Variants in CTNNA3 observed in about 807,000 individuals in gnomAD.
CTNNA3 encodes the protein catenin alpha-3.
A neutral mutation model predicts 95.7 loss-of-function variants in CTNNA3; 76 were observed. That is an observed-to-expected ratio of 0.79 (90% CI 0.66 to 0.96). The LOEUF (loss-of-function observed/expected upper bound fraction) is 0.96. Ranked by LOEUF, CTNNA3 falls within the 40% of genes least tolerant of loss-of-function variation. The pLI is 0.00. For missense variants in CTNNA3, 1,191 were observed against 1,089.8 expected, an observed-to-expected ratio of 1.09 and a Z score of -1.31; for synonymous variants, 431 against 374.4, an observed-to-expected ratio of 1.15 and a Z score of -1.74.
intron 17 of CTNNA3, among the ~76,000 whole-genome samples, chr10:65,922,471 AT>A (rs1419395056): frequency 6.6e-6 from 1 of 152,090 alleles, no homozygotes; most frequent in Non-Finnish European, 1.5e-5. Context: ...GATTAAGACT[AT>A]TTCATAACAA....
chr10:66,499,855 T>G (rs1230141600), intron 11 of CTNNA3, among the ~76,000 whole-genome samples: 1 of 148,192 alleles, frequency 6.7e-6, no homozygotes, highest in Non-Finnish European at 1.5e-5. Flanking sequence ...CAGGCTGGAG[T>G]GCAGTGGCAC....
In CTNNA3 at chr10:66,867,895, CAA is replaced by C. The variant is rs74889073; in HGVS notation, c.1048-92373_1048-92372del. On this transcript the variant is annotated intron_variant, in intron 7 of 17. Transcript: ENST00000433211. ...ATTACAGATTAAGCCAAGGCACTAC[CAA>C]AAAAAAAAAAAATTAACTTAGTAGG... Among the ~76,000 whole-genome samples, 276 of 132,192 alleles carry C rather than the reference CAA, an allele frequency of 2.1e-3. 1 individual carries two copies. Among genetic ancestry groups the C allele is most frequent in the South Asian group, 7.2e-3 (29 of 4,022 alleles). 86.7% of individuals were successfully genotyped at this position (132,192 alleles called of 152,430 possible). A position where few individuals can be genotyped will look rare whatever the true frequency, so the allele number is the denominator to read the frequency against.
intron 2 of CTNNA3, among the ~76,000 whole-genome samples, chr10:67,613,142 G>A (rs1486522040): frequency 6.6e-6 from 1 of 152,096 alleles, no homozygotes; most frequent in Non-Finnish European, 1.5e-5. Flanking sequence ...CTACTTGTTA[G>A]GCTCAGAACA....
intron 5 of CTNNA3, among the ~76,000 whole-genome samples, chr10:67,483,671 A>G (rs1371202895): frequency 2.0e-5 from 3 of 151,660 alleles, no homozygotes; most frequent in Non-Finnish European, 2.9e-5. Context: ...TGACGAGTTA[A>G]TGGGTGCAGC....
intron 5 of CTNNA3, among the ~76,000 whole-genome samples, chr10:67,416,381 G>C (rs1352820085): frequency 6.6e-6 from 1 of 151,892 alleles, no homozygotes; most frequent in Admixed American, 6.6e-5. Context: ...GGCCGAGGAG[G>C]GTGGTTCACG....
chr10:66,161,459 C>T (rs2084840351), intron 13 of CTNNA3, among the ~76,000 whole-genome samples: 1 of 152,104 alleles, frequency 6.6e-6, no homozygotes, highest in African/African-American at 2.4e-5. Context: ...ATGTATGATG[C>T]TTAGTTTCGC....
chr10:66,326,355 T>C (rs145396380), intron 12 of CTNNA3, among the ~76,000 whole-genome samples: 23 of 152,206 alleles, frequency 1.5e-4, no homozygotes, highest in African/African-American at 5.1e-4. Flanking sequence ...CAGATGATGC[T>C]ACTCGACATT....
intron 12 of CTNNA3, among the ~76,000 whole-genome samples, chr10:66,361,189 G>A (rs958434132): frequency 8.8e-5 from 13 of 148,018 alleles, no homozygotes; most frequent in Middle Eastern, 3.5e-3. Context: ...GGCTGGTCTC[G>A]AACCCCTGGG....
chr10:66,827,504 T>C (rs147480299), intron 7 of CTNNA3, among the ~76,000 whole-genome samples: 3 of 152,310 alleles, frequency 2.0e-5, no homozygotes, highest in African/African-American at 7.2e-5. Flanking sequence ...TGTCCTGCTA[T>C]GCAATATAGT....
chr10:66,909,861 T>C (rs1207044053), intron 7 of CTNNA3, among the ~76,000 whole-genome samples: 1 of 152,166 alleles, frequency 6.6e-6, no homozygotes, highest in African/African-American at 2.4e-5. Flanking sequence ...TTCTGCATCA[T>C]CTTAATGTTT....
intron 5 of CTNNA3, among the ~76,000 whole-genome samples, chr10:67,237,126 GTATATATATATATATATA>G (rs59511861): frequency 4.0e-4 from 16 of 39,844 alleles, no homozygotes; most frequent in African/African-American, 1.1e-3. Flanking sequence ...TATGGTGTAT[GTATATATATATATATATA>G]TATATATATA....
chr10:67,501,840 T>A (rs1839242325), intron 5 of CTNNA3, among the ~76,000 whole-genome samples: 1 of 152,102 alleles, frequency 6.6e-6, no homozygotes, highest in Admixed American at 6.6e-5. Flanking sequence ...TCCTCTAAAC[T>A]GGTTATTCTA....
intron 12 of CTNNA3, among the ~76,000 whole-genome samples, chr10:66,367,514 A>G (rs1028810420): frequency 1.3e-5 from 2 of 149,788 alleles, no homozygotes; most frequent in Non-Finnish European, 3.0e-5. Context: ...ATATAGAAAC[A>G]TATGCACATA....
intron 1 of CTNNA3, among the ~76,000 whole-genome samples, chr10:67,725,464 A>G (rs1183559740): frequency 6.6e-6 from 1 of 152,192 alleles, no homozygotes; most frequent in Non-Finnish European, 1.5e-5. Flanking sequence ...GGGGTGAGCC[A>G]CTGCGCCCGG....
intron 7 of CTNNA3, among the ~76,000 whole-genome samples, chr10:66,968,460 T>C (rs1336446964): frequency 4.0e-5 from 6 of 151,226 alleles, no homozygotes; most frequent in Non-Finnish European, 7.4e-5. Context: ...GAAAATACAA[T>C]TTTAGAACCA....
chr10:66,758,391 C>G (rs1017341366), intron 9 of CTNNA3, among the ~76,000 whole-genome samples: 7 of 152,096 alleles, frequency 4.6e-5, no homozygotes, highest in Non-Finnish European at 8.8e-5. Flanking sequence ...CTAAAGAGCA[C>G]GTCGTAGGGA....
chr10:67,659,194 T>C (rs1488361442), intron 1 of CTNNA3, among the ~76,000 whole-genome samples: 1 of 152,174 alleles, frequency 6.6e-6, no homozygotes, highest in African/African-American at 2.4e-5. Flanking sequence ...TCTTACAATG[T>C]CCTTCTGATC....
intron 17 of CTNNA3, among the ~76,000 whole-genome samples, chr10:65,922,303 T>G (rs1186630770): frequency 6.6e-6 from 1 of 152,214 alleles, no homozygotes; most frequent in East Asian, 1.9e-4. Context: ...GTAATGCATG[T>G]TGCTACCAGG....
chr10:66,620,518 CATTTTAAA>C (rs1318846095), intron 10 of CTNNA3, among the ~76,000 whole-genome samples: 1 of 152,140 alleles, frequency 6.6e-6, no homozygotes, highest in Non-Finnish European at 1.5e-5. Flanking sequence ...ATTGAAAAGG[CATTTTAAA>C]AAGTGATAAC....
Sources: gnomAD v4.1 joint callset for allele counts (sites outside exome capture counted in the v4.1 genomes callset) on GRCh38, gnomAD v4.1.1 for gene constraint, MANE v1.5 for transcripts, NCBI Gene and HGNC (gene_info 2026-07-23, HGNC 2026-07-21) for gene names.